FBXL17: variants seen among roughly 807,000 people sequenced by gnomAD.
The protein encoded by FBXL17 is F-box/LRR-repeat protein 17.
FBXL17 carries 22 observed loss-of-function variants against 66.2 expected under a neutral mutation model. That is an observed-to-expected ratio of 0.33 (90% CI 0.24 to 0.47). The LOEUF (loss-of-function observed/expected upper bound fraction) is 0.47, where lower values mean the gene tolerates loss of function less well. Among genes scored for constraint, FBXL17 ranks in the 20% least tolerant of loss-of-function variants. FBXL17 has a pLI of 1.00. For synonymous variants in FBXL17, 474 were observed against 400.5 expected (o/e 1.18, Z -2.19); for missense variants, 878 against 948.2 (o/e 0.93, Z 0.97).
At chr5:108,326,500 G>A (rs564814239) in intron 4 of FBXL17, among the ~76,000 whole-genome samples, 13 of 152,050 alleles carry the variant, frequency 8.5e-5, no homozygotes, top group Non-Finnish European at 1.8e-4. Flanking sequence ...CTACTCAGGA[G>A]GCTGAGGCAG....
intron 7 of FBXL17, among the ~76,000 whole-genome samples, chr5:107,915,688 A>ACTT (rs1750104726): frequency 1.3e-5 from 2 of 152,310 alleles, no homozygotes; most frequent in South Asian, 4.1e-4. Context: ...TAATTTTGGT[A>ACTT]CTTATAATAA....
chr5:107,924,920 G>C (rs1230853526), intron 7 of FBXL17, among the ~76,000 whole-genome samples: 2 of 152,172 alleles, frequency 1.3e-5, no homozygotes, highest in Non-Finnish European at 2.9e-5. Flanking sequence ...TTTCTCATTT[G>C]TGTTATGGTA....
chr5:108,364,242 A>G (rs904664092), intron 3 of FBXL17, among the ~76,000 whole-genome samples: 31 of 152,188 alleles, frequency 2.0e-4, no homozygotes, highest in African/African-American at 7.5e-4. Flanking sequence ...AAGTATAATA[A>G]ACAGAAGGTA....
intron 5 of FBXL17, among the ~76,000 whole-genome samples, chr5:108,199,597 T>A (rs887566641): frequency 2.0e-5 from 3 of 152,202 alleles, no homozygotes; most frequent in African/African-American, 7.2e-5. Context: ...GGATTCAGGA[T>A]GGCAGTATAG....
intron 6 of FBXL17, among the ~76,000 whole-genome samples, chr5:108,137,399 C>T (rs778059811): frequency 1.4e-4 from 21 of 152,100 alleles, no homozygotes; most frequent in African/African-American, 2.7e-4. Flanking sequence ...TCTGCCTCTA[C>T]GTCATGGCAT....
At chr5:108,105,155 G>A (rs158186) in intron 6 of FBXL17, among the ~76,000 whole-genome samples, 28,944 of 152,152 alleles carry the variant, frequency 0.19, 3,040 homozygotes, top group South Asian at 0.41. Flanking sequence ...TTTTTTTAAT[G>A]TATGAATTGC....
At chr5:108,325,910 C>T (rs1393157445) in intron 4 of FBXL17, among the ~76,000 whole-genome samples, 1 of 152,090 alleles carries the variant, frequency 6.6e-6, no homozygotes, top group Non-Finnish European at 1.5e-5. Context: ...CCTACAAAAC[C>T]AAAAGACTCT....
chr5:108,335,410 A>G (rs1405277458), intron 4 of FBXL17, among the ~76,000 whole-genome samples: 5 of 152,112 alleles, frequency 3.3e-5, no homozygotes, highest in African/African-American at 9.6e-5. Context: ...CTGCATGATT[A>G]TAAGTTACAA....
At position 108,176,098 on chromosome 5, in the gene FBXL17, A is replaced by G. The variant is rs150473815; in HGVS notation, c.1745+10019T>C. On this transcript the variant is annotated intron_variant, in intron 6 of 8. Transcript: ENST00000542267. ...TATAAATTTGTCCAAGCAGTCAATA[A>G]GGTATCATCATTTTCATCAATAAAT... Among the ~76,000 whole-genome samples, 710 of 152,300 alleles carry G rather than the reference A, an allele frequency of 4.7e-3. 22 individuals carry two copies. Among genetic ancestry groups the G allele is most frequent in the Admixed American group, 0.044 (674 of 15,286 alleles).
chr5:108,353,063 A>C (rs1747750399), intron 3 of FBXL17, among the ~76,000 whole-genome samples: 1 of 152,190 alleles, frequency 6.6e-6, no homozygotes, highest in Non-Finnish European at 1.5e-5. Context: ...CAAACAAGAC[A>C]AGGATGATCA....
chr5:108,354,686 C>T (rs1471647795), intron 3 of FBXL17, among the ~76,000 whole-genome samples: 4 of 149,158 alleles, frequency 2.7e-5, no homozygotes, highest in Non-Finnish European at 5.9e-5. Flanking sequence ...GAAAAAACTA[C>T]ACCTAGGCAT....
chr5:108,027,554 T>C (rs2112778087), intron 6 of FBXL17, among the ~76,000 whole-genome samples: 1 of 152,296 alleles, frequency 6.6e-6, no homozygotes, highest in South Asian at 2.1e-4. Flanking sequence ...GTGTAAACTA[T>C]GTTTTAGAAA....
chr5:108,364,342 C>A (rs1338578209), intron 3 of FBXL17, among the ~76,000 whole-genome samples: 1 of 151,558 alleles, frequency 6.6e-6, no homozygotes, highest in Non-Finnish European at 1.5e-5. Flanking sequence ...TTTGGACGTC[C>A]ATTTATCCCT....
intron 7 of FBXL17, among the ~76,000 whole-genome samples, chr5:107,936,711 G>A (rs368824339): frequency 1.3e-5 from 2 of 152,178 alleles, no homozygotes; most frequent in East Asian, 3.9e-4. Context: ...ATTTCCAAGG[G>A]ACAAGACATC....
intron 6 of FBXL17, among the ~76,000 whole-genome samples, chr5:108,052,236 G>C (rs1055024471): frequency 1.3e-5 from 2 of 151,978 alleles, no homozygotes; most frequent in African/African-American, 4.8e-5. Context: ...GAAATAAAGG[G>C]TATTCAAATA....
At chr5:108,098,963 C>A (rs1749497816) in intron 6 of FBXL17, among the ~76,000 whole-genome samples, 1 of 152,050 alleles carries the variant, frequency 6.6e-6, no homozygotes, top group Non-Finnish European at 1.5e-5. Flanking sequence ...TACTTAGGCT[C>A]TGAATTGCTA....
intron 6 of FBXL17, among the ~76,000 whole-genome samples, chr5:108,112,993 C>T (rs1380073015): frequency 6.6e-6 from 1 of 152,102 alleles, no homozygotes; most frequent in Non-Finnish European, 1.5e-5. Context: ...TAATATTCTT[C>T]ATCTATTCTA....
Position 108,380,825 on chromosome 5 carries a change from G to A in FBXL17, c.867C>T (p.Ala289=), listed in dbSNP as rs1272751436. 4.8e-6 allele frequency: 6 copies of A among 1,247,848 alleles called. No homozygotes were observed. Among genetic ancestry groups the A allele is most frequent in the Non-Finnish European group, 6.1e-6 (6 of 988,232 alleles). The allele number at this position is 1,247,848 out of a possible 1,614,324, so 77.3% of individuals were successfully genotyped here. ...CGTCGCCACATTCATGCTGCTGCTG[G>A]GCGGACAAGGGGGCGGTGCCCCCGG... ...VRAGGTAPLS[A]QQQHECGDAD... Residue 289 remains alanine, a synonymous_variant, in exon 1 of 9, where the codon GCC becomes GCT. Coordinates refer to ENST00000542267, the MANE Select transcript of FBXL17 (RefSeq NM_001163315.3).
At chr5:107,934,528 A>G (rs1383516005) in intron 7 of FBXL17, among the ~76,000 whole-genome samples, 1 of 152,206 alleles carries the variant, frequency 6.6e-6, no homozygotes, top group African/African-American at 2.4e-5. Context: ...TTTTAAAACT[A>G]GAAGTACACT....
Sources: allele counts gnomAD v4.1 joint callset (sites outside exome capture counted in the v4.1 genomes callset), GRCh38; gene constraint gnomAD v4.1.1; transcripts MANE v1.5; gene names NCBI Gene and HGNC (gene_info 2026-07-23, HGNC 2026-07-21).